The following PIK3C2G variants were observed in gnomAD, a reference collection of about 807,000 sequenced individuals.
PIK3C2G encodes the protein phosphatidylinositol 3-kinase C2 domain-containing subunit gamma.
In PIK3C2G, 168 loss-of-function variants were observed where a neutral mutation model predicts 181.1. The observed-to-expected ratio is 0.93, with a 90% CI of 0.82 to 1.05. The LOEUF (loss-of-function observed/expected upper bound fraction) is 1.05. PIK3C2G is among the 50% of genes least tolerant of loss of function. The pLI, the probability that PIK3C2G is intolerant of heterozygous loss-of-function variation, is 0.00. For missense variants in PIK3C2G, 1,869 were observed against 1,732.8 expected (o/e 1.08, Z -1.40); for synonymous variants, 573 against 592.2 (o/e 0.97, Z 0.47).
At chr12:18,292,387 C>T (rs1487009656) in intron 4 of PIK3C2G, among the ~76,000 whole-genome samples, 1 of 151,424 alleles carries the variant, frequency 6.6e-6, no homozygotes, top group Admixed American at 6.6e-5. Flanking sequence ...TCTCATATTC[C>T]TCTCACTCTC....
At chr12:18,589,617 G>A (rs1284031781) in intron 29 of PIK3C2G, among the ~76,000 whole-genome samples, 2 of 151,852 alleles carry the variant, frequency 1.3e-5, no homozygotes, top group South Asian at 2.1e-4. Flanking sequence ...AATACAAAGA[G>A]GATGCCTACC....
chr12:18,538,023 G>A (rs930231416), intron 24 of PIK3C2G, 133 bp from the exon 25 acceptor site: 3 of 745,288 alleles, frequency 4.0e-6, no homozygotes, highest in Non-Finnish European at 6.5e-6. Flanking sequence ...GCCTCACAAT[G>A]AAGGAAATTT....
the PIK3C2G span, among the ~76,000 whole-genome samples, chr12:18,665,326 G>A: frequency 7.2e-5 from 11 of 152,064 alleles, no homozygotes; most frequent in East Asian, 1.7e-3. Flanking sequence ...GTTGTAGAAT[G>A]AGAATGTATT....
chr12:18,661,526 G>T, the PIK3C2G span, among the ~76,000 whole-genome samples: 1 of 152,024 alleles, frequency 6.6e-6, no homozygotes, highest in Non-Finnish European at 1.5e-5. Flanking sequence ...TCATAAATAA[G>T]GGATAAACAA....
chr12:18,321,532 A>T (rs1419133588), intron 7 of PIK3C2G, among the ~76,000 whole-genome samples: 1 of 152,250 alleles, frequency 6.6e-6, no homozygotes, highest in African/African-American at 2.4e-5. Flanking sequence ...ATTTGGAAGA[A>T]CAGACTTATT....
At chr12:18,482,022 C>T in intron 18 of PIK3C2G, among the ~76,000 whole-genome samples, 1 of 152,062 alleles carries the variant, frequency 6.6e-6, no homozygotes, top group East Asian at 1.9e-4. Flanking sequence ...TTCACATTCC[C>T]TAATTAAAAC....
At chr12:18,716,416 T>C in the PIK3C2G span, among the ~76,000 whole-genome samples, 3 of 152,220 alleles carry the variant, frequency 2.0e-5, no homozygotes, top group Non-Finnish European at 2.9e-5. Context: ...ATGTTTTCAG[T>C]GATTATGCAA....
At chr12:18,254,658 C>T (rs1948126102) in intron 1 of PIK3C2G, among the ~76,000 whole-genome samples, 2 of 151,498 alleles carry the variant, frequency 1.3e-5, no homozygotes, top group African/African-American at 4.8e-5. Flanking sequence ...TCTTGGCAAA[C>T]ATGGTGAAAC....
rs561000842 is a variant in PIK3C2G, at chr12:18,632,183, T to C, written c.4183-8246T>C. ...CAATAGTGCCAAGACTAAGAAACCCTGCTCTACATAAATGTCATAATACAT... is the reference window on the plus strand; with the variant it reads ...CAATAGTGCCAAGACTAAGAAACCCCGCTCTACATAAATGTCATAATACAT... On this transcript the variant is annotated intron_variant, in intron 31 of 32. Transcript: ENST00000538779. Among the ~76,000 whole-genome samples, 9 of 152,298 alleles carry C rather than the reference T, an allele frequency of 5.9e-5. No individual in the cohort carries two copies. The East Asian group carries it at 1.7e-3, about 29-fold the overall frequency.
chr12:18,415,359 T>C (rs888181198), intron 16 of PIK3C2G, among the ~76,000 whole-genome samples: 6 of 152,198 alleles, frequency 3.9e-5, no homozygotes, highest in Non-Finnish European at 8.8e-5. Context: ...GATGTTACTA[T>C]TGCAATTGTT....
In PIK3C2G at chr12:18,410,184, T is replaced by C. The variant is rs139690372; in HGVS notation, c.2315+10337T>C. ...ATTCACCAACATGGGGCACACTAGCTGACTAGCAAATTTTAGAAGAGCCTT... is the reference window on the plus strand; with the variant it reads ...ATTCACCAACATGGGGCACACTAGCCGACTAGCAAATTTTAGAAGAGCCTT... On this transcript the variant is annotated intron_variant, in intron 16 of 32. Coordinates refer to ENST00000538779, the MANE Select transcript of PIK3C2G (RefSeq NM_001288772.2). 6.4e-3 allele frequency among the ~76,000 whole-genome samples: 976 copies of C among 152,232 alleles called. 11 individuals are homozygous for C. Among genetic ancestry groups the C allele is most frequent in the African/African-American group, 0.023 (940 of 41,542 alleles).
intron 25 of PIK3C2G, among the ~76,000 whole-genome samples, chr12:18,543,234 GT>G (rs1377481164): frequency 1.3e-5 from 2 of 151,820 alleles, no homozygotes; most frequent in Non-Finnish European, 1.5e-5. Flanking sequence ...TTTTTAATGG[GT>G]TTTTTTGTTT....
intron 9 of PIK3C2G, among the ~76,000 whole-genome samples, chr12:18,342,154 T>A (rs1330311243): frequency 1.3e-5 from 2 of 152,098 alleles, no homozygotes; most frequent in Non-Finnish European, 2.9e-5. Flanking sequence ...ATAAATTGAA[T>A]TTTAGTTAAA....
At chr12:18,580,146 G>GA (rs1946425764) in intron 29 of PIK3C2G, among the ~76,000 whole-genome samples, 1 of 146,702 alleles carries the variant, frequency 6.8e-6, no homozygotes, top group Non-Finnish European at 1.5e-5. Flanking sequence ...AAAAAAAAAA[G>GA]AGAGAGAGAG....
chr12:18,536,952 C>A (rs560113553), intron 24 of PIK3C2G, among the ~76,000 whole-genome samples: 1 of 152,090 alleles, frequency 6.6e-6, no homozygotes, highest in East Asian at 1.9e-4. Context: ...CCAGCCTTTC[C>A]TCCAGGCATT....
At chr12:18,284,444 A>AC (rs1949356947) in intron 2 of PIK3C2G, among the ~76,000 whole-genome samples, 1 of 152,204 alleles carries the variant, frequency 6.6e-6, no homozygotes, top group South Asian at 2.1e-4. Flanking sequence ...TGTGCCATCT[A>AC]CAAAATTCAA....
At chr12:18,582,588 AG>A (rs1946559790) in intron 29 of PIK3C2G, among the ~76,000 whole-genome samples, 1 of 152,172 alleles carries the variant, frequency 6.6e-6, no homozygotes, top group African/African-American at 2.4e-5. Flanking sequence ...GGCTGAATCC[AG>A]GGGGCTGAGC....
intron 28 of PIK3C2G, among the ~76,000 whole-genome samples, chr12:18,566,683 C>A (rs1945652169): frequency 2.6e-5 from 4 of 151,802 alleles, no homozygotes; most frequent in Admixed American, 6.6e-5. Flanking sequence ...GTGTGGTCTG[C>A]CATAAATATA....
In PIK3C2G at chr12:18,359,933, T is replaced by A. The variant is rs1941082951; in HGVS notation, c.1626-2831T>A. On this transcript the variant is annotated intron_variant, in intron 11 of 32. Coordinates refer to ENST00000538779, the MANE Select transcript of PIK3C2G (RefSeq NM_001288772.2). ...CATGCTGTTGGTTAAATGGATAATG[T>A]CTTTTGATTGGGGAATTTAATCTGT... 2.6e-5 allele frequency among the ~76,000 whole-genome samples: 4 copies of A among 152,160 alleles called. No homozygotes were observed. The South Asian group carries it at 8.3e-4, about 31-fold the overall frequency.
Sources: gnomAD v4.1 joint callset for allele counts (sites outside exome capture counted in the v4.1 genomes callset) on GRCh38, gnomAD v4.1.1 for gene constraint, MANE v1.5 for transcripts, NCBI Gene and HGNC (gene_info 2026-07-23, HGNC 2026-07-21) for gene names.